The following RCN3 variants were observed in gnomAD, a reference collection of about 807,000 sequenced individuals.
RCN3 encodes the protein reticulocalbin 3, also known as reticulocalbin-3.
A neutral mutation model predicts 35.9 loss-of-function variants in RCN3; 41 were observed. The observed-to-expected ratio is 1.14, with a 90% CI of 0.89 to 1.48. The LOEUF (loss-of-function observed/expected upper bound fraction) is 1.48. Ranked by LOEUF, RCN3 falls within the 40% of genes most tolerant of loss-of-function variation. The pLI, the probability that RCN3 is intolerant of heterozygous loss-of-function variation, is 0.00. For missense variants in RCN3, 451 were observed against 471.3 expected (o/e 0.96, Z 0.40); for synonymous variants, 187 against 193.4 (o/e 0.97, Z 0.27).
chr19:49,534,532 A>C, intron 3 of RCN3, 137 bp downstream of exon 3: 2 of 780,326 alleles, frequency 2.6e-6, no homozygotes, highest in Non-Finnish European at 3.8e-6. Context: ...TTAGGAGCCC[A>C]TAACTGTGAG....
At chr19:49,536,448 C>T (rs1300652371) in intron 3 of RCN3, among the ~76,000 whole-genome samples, 5 of 150,540 alleles carry the variant, frequency 3.3e-5, no homozygotes, top group African/African-American at 1.2e-4. Flanking sequence ...CTACAGGCGC[C>T]CACCACCATG....
chr19:49,539,718 A>ATTT (rs58021494), intron 5 of RCN3, among the ~76,000 whole-genome samples: 4 of 119,154 alleles, frequency 3.4e-5, no homozygotes, highest in South Asian at 2.7e-4. Flanking sequence ...CTAACAAGGA[A>ATTT]TTTTTTTTTT....
intron 3 of RCN3, among the ~76,000 whole-genome samples, chr19:49,535,956 A>G (rs575677060): frequency 6.7e-6 from 1 of 148,328 alleles, no homozygotes; most frequent in East Asian, 1.9e-4. Context: ...ATACTTAAAT[A>G]TATATACAAA....
intron 5 of RCN3, among the ~76,000 whole-genome samples, chr19:49,541,797 T>C (rs919711415): frequency 3.3e-5 from 5 of 151,508 alleles, no homozygotes; most frequent in Non-Finnish European, 5.9e-5. Context: ...CTGGCCAAGA[T>C]GGTGAAACCC....
intron 2 of RCN3, among the ~76,000 whole-genome samples, chr19:49,531,951 C>T (rs950262051): frequency 6.6e-6 from 1 of 151,112 alleles, no homozygotes; most frequent in Non-Finnish European, 1.5e-5. Context: ...CAGGCGCCCA[C>T]CACCACGCCC....
At chr19:49,539,014 G>A (rs1047952373) in intron 4 of RCN3, 105 bp from the exon 5 acceptor site, 11 of 723,186 alleles carry the variant, frequency 1.5e-5, no homozygotes, top group East Asian at 1.1e-4. Context: ...ACAGCTGCCC[G>A]GAGCTAAATT....
chr19:49,535,895 T>C (rs888023184), intron 3 of RCN3, among the ~76,000 whole-genome samples: 2 of 148,484 alleles, frequency 1.3e-5, no homozygotes, highest in African/African-American at 4.9e-5. Context: ...GATAGATAGA[T>C]AGATATAGAT....
At chr19:49,537,293 G>GTGACTGCCTGCCCCCAGGTC in intron 4 of RCN3, 88 bp downstream of exon 4, 1 of 1,272,608 alleles carries the variant, frequency 7.9e-7, no homozygotes, top group Non-Finnish European at 1.0e-6. Context: ...CACCGACCTG[G>GTGACTGCCTGCCCCCAGGTC]GGGCAGGCAG....
At position 49,542,622 on chromosome 19, in the gene RCN3, G is replaced by T; in HGVS notation, c.749G>T (p.Arg250Leu). Residue 250 changes from arginine (R) to leucine (L), a missense_variant, in exon 6 of 7, where the codon CGG (arginine) becomes CTG (leucine). Coordinates refer to ENST00000270645, the MANE Select transcript of RCN3 (RefSeq NM_020650.3). ...AWVQTERQQF[R>L]DFRDLNKDGH... ...GTGCAGACGGAGAGGCAGCAGTTCCGGGACTTCCGGGATCTGAACAAGGAT... is the reference window on the plus strand; with the variant it reads ...GTGCAGACGGAGAGGCAGCAGTTCCTGGACTTCCGGGATCTGAACAAGGAT... 4.4e-6 allele frequency: 7 copies of T among 1,607,420 alleles called. No individual in the cohort carries two copies. The highest frequency in any genetic ancestry group is 5.9e-6 in the Non-Finnish European group (7 of 1,177,638).
Position 49,534,181 on chromosome 19 carries a change from C to G in RCN3, c.243-12C>G. 1 of 1,481,246 alleles carries G rather than the reference C, an allele frequency of 6.8e-7. No homozygotes were observed. The highest frequency in any genetic ancestry group is 8.9e-7 in the Non-Finnish European group (1 of 1,121,602). 91.8% of individuals were successfully genotyped at this position (1,481,246 alleles called of 1,614,324 possible). A position where few individuals can be genotyped will look rare whatever the true frequency, so the allele number is the denominator to read the frequency against. Reference sequence around the variant, plus strand: ...GGACCAGAGCCTGACGTGTGCCCGCCCCGGCTTCTAGGCGGATCGTGGACC... The same window carrying G: ...GGACCAGAGCCTGACGTGTGCCCGCGCCGGCTTCTAGGCGGATCGTGGACC... On this transcript the variant is annotated splice_polypyrimidine_tract_variant and intron_variant, in intron 2 of 6. Transcript: ENST00000270645.
chr19:49,529,724 G>GT (rs2080099089), intron 2 of RCN3, among the ~76,000 whole-genome samples: 1 of 119,214 alleles, frequency 8.4e-6, no homozygotes, highest in East Asian at 2.9e-4. Flanking sequence ...GGTTGTTGGT[G>GT]GGGGGGAGTT....
At chr19:49,536,047 C>T (rs1265101348) in intron 3 of RCN3, among the ~76,000 whole-genome samples, 7 of 145,614 alleles carry the variant, frequency 4.8e-5, no homozygotes, top group Non-Finnish European at 1.5e-5. Context: ...AGTGCAGTGG[C>T]GTGGTCTCGG....
At position 49,543,464 on chromosome 19, in the gene RCN3, C is replaced by T. The variant is rs1031757906; in HGVS notation, c.*251C>T. On this transcript the variant is annotated 3_prime_UTR_variant, in exon 7 of 7. Coordinates refer to ENST00000270645, the MANE Select transcript of RCN3 (RefSeq NM_020650.3). Reference sequence around the variant, plus strand: ...CTGACTGAGTCTCCCAGCCCAGACCCAGGGACCCTTGGCCCCAAGCTCAGC... The same window carrying T: ...CTGACTGAGTCTCCCAGCCCAGACCTAGGGACCCTTGGCCCCAAGCTCAGC... 1.9e-6 allele frequency: 1 copy of T among 524,600 alleles called. No homozygotes were observed. The highest frequency in any genetic ancestry group is 1.9e-5 in the African/African-American group (1 of 52,184). 32.5% of individuals were successfully genotyped at this position (524,600 alleles called of 1,614,324 possible).
chr19:49,528,601 TC>T lies in RCN3; in HGVS notation c.133del (p.His45MetfsTer74). 2 of 1,611,372 alleles carry T rather than the reference TC, an allele frequency of 1.2e-6. No individual in the cohort carries two copies. Among genetic ancestry groups the T allele is most frequent in the Non-Finnish European group, 1.7e-6 (2 of 1,178,886 alleles). On this transcript the variant is annotated frameshift_variant, in exon 2 of 7. Transcript: ENST00000270645. Reference sequence around the variant, plus strand: ...ACCAGGCGGCCCCCCTGAGCGACGCTCCCCATGATGACGCCCACGGGAACTT... The same window carrying T: ...ACCAGGCGGCCCCCCTGAGCGACGCTCCCATGATGACGCCCACGGGAACTT... ...VHQAAPLSDAPHDDAHGNFQY... is the reference protein window; with the variant it reads ...VHQAAPLSDAXHDDAHGNFQY...
chr19:49,534,210 T>G lies in RCN3; in HGVS notation c.260T>G (p.Met87Arg). 3 of 1,493,578 alleles carry G rather than the reference T, an allele frequency of 2.0e-6. No homozygotes were observed. The highest frequency in any genetic ancestry group is 2.7e-6 in the Non-Finnish European group (3 of 1,127,528). 92.5% of individuals were successfully genotyped at this position (1,493,578 alleles called of 1,614,324 possible). Residue 87 changes from methionine to arginine, a missense_variant, in exon 3 of 7, where the codon ATG (methionine) becomes AGG (arginine). Physicochemically the swap from Met to Arg is moderately conservative, Grantham distance 91 (BLOSUM62 -1). Transcript: ENST00000270645. Reference sequence around the variant, plus strand: ...GCTTCTAGGCGGATCGTGGACCGCATGGACCGCGCGGGGGACGGCGACGGC... The same window carrying G: ...GCTTCTAGGCGGATCGTGGACCGCAGGGACCGCGCGGGGGACGGCGACGGC... ...QARLGRIVDR[M>R]DRAGDGDGWV...
chr19:49,529,069 T>A (rs1234247629), intron 2 of RCN3, among the ~76,000 whole-genome samples: 1 of 152,008 alleles, frequency 6.6e-6, no homozygotes, highest in Non-Finnish European at 1.5e-5. Context: ...TAATCCCAGC[T>A]ACTCGGGAGG....
chr19:49,530,748 G>C (rs1046594863), intron 2 of RCN3, among the ~76,000 whole-genome samples: 1 of 152,064 alleles, frequency 6.6e-6, no homozygotes, highest in Non-Finnish European at 1.5e-5. Context: ...TGCCCACCTC[G>C]GCCTCCCGAA....
intron 5 of RCN3, among the ~76,000 whole-genome samples, chr19:49,541,088 G>C (rs1394995376): frequency 6.6e-6 from 1 of 151,932 alleles, no homozygotes; most frequent in Non-Finnish European, 1.5e-5. Context: ...GCACTACCAC[G>C]CCTGGCTAAT....
chr19:49,538,202 G>A (rs569664369), intron 4 of RCN3, among the ~76,000 whole-genome samples: 2 of 142,136 alleles, frequency 1.4e-5, no homozygotes, highest in East Asian at 2.0e-4. Flanking sequence ...TCGCTCTGTC[G>A]CCCATGCTGG....
Sources: gnomAD v4.1 joint callset for allele counts (sites outside exome capture counted in the v4.1 genomes callset) on GRCh38, gnomAD v4.1.1 for gene constraint, MANE v1.5 for transcripts, NCBI Gene and HGNC (gene_info 2026-07-23, HGNC 2026-07-21) for gene names.